Variants in AFF4 observed in about 807,000 individuals in gnomAD.
The protein encoded by AFF4 is ALF transcription elongation factor 4.
In AFF4, 13 loss-of-function variants were observed where a neutral mutation model predicts 124.8. That is an observed-to-expected ratio of 0.10 (90% CI 0.07 to 0.17). The LOEUF is 0.17. Ranked by LOEUF, AFF4 falls within the 10% of genes least tolerant of loss-of-function variation. The pLI, the probability that AFF4 is intolerant of heterozygous loss-of-function variation, is 1.00. For synonymous variants in AFF4, 477 were observed against 496.1 expected (o/e 0.96, Z 0.51); for missense variants, 1,092 against 1,403.8 (o/e 0.78, Z 3.55).
intron 11 of AFF4, 71 bp from the exon 12 acceptor site, chr5:132,893,189 C>CA (rs1382984574): frequency 1.4e-4 from 178 of 1,233,966 alleles, no homozygotes; most frequent in Non-Finnish European, 1.9e-4. Context: ...TAGCTACCCA[C>CA]AAAGAGTTTA....
At chr5:132,958,816 TA>T (rs1411699934) in intron 1 of AFF4, among the ~76,000 whole-genome samples, 4 of 152,044 alleles carry the variant, frequency 2.6e-5, no homozygotes, top group African/African-American at 9.7e-5. Flanking sequence ...CTGGGAGAGC[TA>T]TTAGGCCCAA....
At position 132,914,902 on chromosome 5, in the gene AFF4, T is replaced by C. The variant is rs182178479; in HGVS notation, c.1051-10498A>G. 4.8e-3 allele frequency among the ~76,000 whole-genome samples: 727 copies of C among 152,252 alleles called. 17 individuals carry two copies. Among genetic ancestry groups the C allele is most frequent in the East Asian group, 6.4e-3 (33 of 5,182 alleles). On this transcript the variant is annotated intron_variant, in intron 5 of 20. Coordinates refer to ENST00000265343, the MANE Select transcript of AFF4 (RefSeq NM_014423.4). ...TAAAATGGACAAATTCCTTGAAAGA[T>C]ATAAACAACGAAAGATCATTCAAGG... is the stretch of plus-strand genomic sequence containing the variant.
At chr5:132,959,355 C>T (rs1367314211) in intron 1 of AFF4, among the ~76,000 whole-genome samples, 3 of 152,046 alleles carry the variant, frequency 2.0e-5, no homozygotes, top group South Asian at 2.1e-4. Context: ...CTCTCGACCT[C>T]GTGATCCGCC....
intron 11 of AFF4, among the ~76,000 whole-genome samples, chr5:132,894,779 T>C (rs756505712): frequency 3.3e-5 from 5 of 151,934 alleles, no homozygotes; most frequent in African/African-American, 9.7e-5. Context: ...TTGAGCAATA[T>C]AGCAAGATAC....
At position 132,963,211 on chromosome 5, in the gene AFF4, C is replaced by A. The variant is rs558794903; in HGVS notation, c.-5+48G>T. ...CACCCCCACCCGGCCCCGGCCACAA[C>A]CCCCGCGGCCCGGCCCGGCCCTGGG... On this transcript the variant is annotated intron_variant, in intron 1 of 20. Coordinates refer to ENST00000265343, the MANE Select transcript of AFF4 (RefSeq NM_014423.4). 1,659 of 387,626 alleles carry A rather than the reference C, an allele frequency of 4.3e-3. 9 individuals are homozygous for A. The highest frequency in any genetic ancestry group is 7.1e-3 in the South Asian group (50 of 7,022). 24.0% of individuals were successfully genotyped at this position (387,626 alleles called of 1,614,324 possible). A position where few individuals can be genotyped will look rare whatever the true frequency, so the allele number is the denominator to read the frequency against.
At chr5:132,892,046 G>T in intron 13 of AFF4, 118 bp downstream of exon 13, 1 of 1,434,490 alleles carries the variant, frequency 7.0e-7, no homozygotes, top group East Asian at 2.3e-5. Context: ...GAGGGTAAAA[G>T]ACATAGGCCT....
chr5:132,887,800 G>C, intron 16 of AFF4, 46 bp downstream of exon 16: 2 of 1,604,526 alleles, frequency 1.2e-6, no homozygotes, highest in Non-Finnish European at 1.7e-6. Flanking sequence ...TGATGGACCA[G>C]AGAAATAATG....
chr5:132,925,159 A>C (rs1470228138), intron 5 of AFF4, among the ~76,000 whole-genome samples: 1 of 151,872 alleles, frequency 6.6e-6, no homozygotes, highest in Non-Finnish European at 1.5e-5. Flanking sequence ...TGGGTGACAA[A>C]GGGAGACTCC....
chr5:132,955,560 C>T (rs372867601), intron 1 of AFF4, among the ~76,000 whole-genome samples: 1 of 151,906 alleles, frequency 6.6e-6, no homozygotes, highest in Non-Finnish European at 1.5e-5. Flanking sequence ...GGGCAGATCA[C>T]GAGGTCAGGA....
At chr5:132,934,119 T>G (rs373789224) in intron 3 of AFF4, 28 bp downstream of exon 3, 3 of 1,582,346 alleles carry the variant, frequency 1.9e-6, no homozygotes, top group Admixed American at 1.8e-5. Flanking sequence ...GTAGTCACAA[T>G]GTTAAAAGCT....
chr5:132,875,631 T>C lies in AFF4; in HGVS notation c.*5428A>G, dbSNP rs1759821348. The C allele has an allele frequency of 5.1e-6, 1 of 196,840 alleles. No individual in the cohort carries two copies. The highest frequency in any genetic ancestry group is 2.3e-5 in the African/African-American group (1 of 43,296). The allele number at this position is 196,840 out of a possible 1,614,324, so 12.2% of individuals were successfully genotyped here. On this transcript the variant is annotated 3_prime_UTR_variant, in exon 21 of 21. Transcript: ENST00000265343. ...TCAATACCACAAAATACATATAATA[T>C]ACTATACAGATGTGGAAAAATCTAG...
rs71585510 is a variant in AFF4, at chr5:132,949,208, C to T, written c.-4-12015G>A. ...TTTCAGGATGAAAATCTTATTTCTG[C>T]CTTTTTTTTTTTTTTTTTTTTTGAG... On this transcript the variant is annotated intron_variant, in intron 1 of 20. Transcript: ENST00000265343. Among the ~76,000 whole-genome samples, 852 of 136,240 alleles carry T rather than the reference C, an allele frequency of 6.3e-3. 4 individuals are homozygous for T. Among genetic ancestry groups the T allele is most frequent in the Non-Finnish European group, 8.8e-3 (575 of 65,186 alleles). The allele number at this position is 136,240 out of a possible 152,430, so 89.4% of individuals were successfully genotyped here.
intron 1 of AFF4, among the ~76,000 whole-genome samples, chr5:132,940,090 C>T (rs1761531582): frequency 6.6e-6 from 1 of 152,140 alleles, no homozygotes; most frequent in South Asian, 2.1e-4. Flanking sequence ...ATCCCAGCTA[C>T]TCAGGAGGCT....
chr5:132,891,000 A>G (rs1760240869), intron 13 of AFF4, among the ~76,000 whole-genome samples: 1 of 151,850 alleles, frequency 6.6e-6, no homozygotes, highest in South Asian at 2.1e-4. Context: ...AAGCAAATAA[A>G]TAAATTAATT....
chr5:132,916,762 A>G (rs561604417), intron 5 of AFF4, among the ~76,000 whole-genome samples: 1 of 152,288 alleles, frequency 6.6e-6, no homozygotes, highest in Admixed American at 6.5e-5. Context: ...TAAGAAGGGA[A>G]CAATACAGAC....
chr5:132,960,106 AG>A (rs2150116824), intron 1 of AFF4, among the ~76,000 whole-genome samples: 1 of 152,300 alleles, frequency 6.6e-6, no homozygotes, highest in Non-Finnish European at 1.5e-5. Flanking sequence ...GTAACAGGTC[AG>A]GTTAGCTTTA....
At position 132,878,537 on chromosome 5, in the gene AFF4, AAGAC is replaced by A. The variant is rs1449716919; in HGVS notation, c.*2518_*2521del. On this transcript the variant is annotated 3_prime_UTR_variant, in exon 21 of 21. Transcript: ENST00000265343. ...GTATGTGCTGGAGCAGATGATGACA[AAGAC>A]AGAACATCTAAGAAGATAGACATGG... 8.6e-6 allele frequency: 2 copies of A among 232,070 alleles called. No homozygotes were observed. Among genetic ancestry groups the A allele is most frequent in the African/African-American group, 4.4e-5 (2 of 45,248 alleles). The allele number at this position is 232,070 out of a possible 1,614,324, so 14.4% of individuals were successfully genotyped here.
At position 132,881,136 on chromosome 5, in the gene AFF4, T is replaced by C; in HGVS notation, c.3415A>G (p.Ser1139Gly). 1 of 1,614,216 alleles carries C rather than the reference T, an allele frequency of 6.2e-7. No homozygotes were observed. The highest frequency in any genetic ancestry group is 1.3e-5 in the African/African-American group (1 of 75,072). The change falls in exon 21 of 21, where the codon AGC becomes GGC. Residue 1139 changes from serine (S) to glycine (G), a missense_variant. By Grantham distance (56) the Ser-to-Gly change is moderately conservative (BLOSUM62 0). Around this residue, in one of 11 missense-constraint regions of AFF4, gnomAD observed 173 missense variants for 294.9 expected, o/e 0.59. Transcript: ENST00000265343. ...TAACGAACTAGATCTGTCATGATGC[T>C]TGCATTAAAGATGAGAGGGCCCATT... is the stretch of plus-strand genomic sequence containing the variant. Reference protein sequence around the residue: ...KVMGPLIFNASIMTDLVRYTR... With the variant: ...KVMGPLIFNAGIMTDLVRYTR...
intron 1 of AFF4, among the ~76,000 whole-genome samples, chr5:132,950,304 C>T (rs1761811588): frequency 6.6e-6 from 1 of 151,596 alleles, no homozygotes; most frequent in African/African-American, 2.4e-5. Context: ...GGAGAAACCC[C>T]GTCTCTACTA....
Sources: allele counts gnomAD v4.1 joint callset (sites outside exome capture counted in the v4.1 genomes callset), GRCh38; gene constraint gnomAD v4.1.1; regional missense constraint gnomAD v4.1.1; transcripts MANE v1.5; gene names NCBI Gene and HGNC (gene_info 2026-07-23, HGNC 2026-07-21).